The following TEX10 variants were observed in gnomAD, a reference collection of about 807,000 sequenced individuals.
The protein encoded by TEX10 is testis expressed 10.
Under a neutral mutation model 104.4 loss-of-function variants are expected in TEX10, and 24 were observed. That is an observed-to-expected ratio of 0.23 (90% CI 0.17 to 0.32). TEX10 has a LOEUF of 0.32. Ranked by LOEUF, TEX10 falls within the 10% of genes least tolerant of loss-of-function variation. The pLI, the probability that TEX10 is intolerant of heterozygous loss-of-function variation, is 1.00. For missense variants in TEX10, 921 were observed against 1,083.9 expected (o/e 0.85, Z 2.11); for synonymous variants, 396 against 393.4 (o/e 1.01, Z -0.08).
chr9:100,329,636 C>A (rs543594464), intron 6 of TEX10, among the ~76,000 whole-genome samples: 7 of 152,082 alleles, frequency 4.6e-5, no homozygotes, highest in Non-Finnish European at 1.0e-4. Context: ...GGTAAAGAGA[C>A]AGGGAAGATT....
At chr9:100,311,214 T>C (rs989302173) in intron 11 of TEX10, among the ~76,000 whole-genome samples, 4 of 151,266 alleles carry the variant, frequency 2.6e-5, no homozygotes, top group African/African-American at 4.9e-5. Flanking sequence ...CTGGGCAACA[T>C]AGTGGTACCT....
At chr9:100,339,245 CAAAAAAAAAAAAAAAAAA>C (rs1182764934) in intron 5 of TEX10, among the ~76,000 whole-genome samples, 3 of 29,396 alleles carry the variant, frequency 1.0e-4, no homozygotes, top group African/African-American at 2.5e-4. Context: ...GACTCCATCT[CAAAAAAAAAAAAAAAAAA>C]AAAAAAAAAA....
In TEX10 at chr9:100,349,338, T is replaced by C. The variant is rs1283862252; in HGVS notation, c.26A>G (p.His9Arg). 2.5e-6 allele frequency: 4 copies of C among 1,589,256 alleles called. No homozygotes were observed. Among genetic ancestry groups the C allele is most frequent in the East Asian group, 4.5e-5 (2 of 44,694 alleles). Reference protein sequence around the residue: MTKKRKRQHDFQKVKLKVG... With the variant: MTKKRKRQRDFQKVKLKVG... Reference sequence around the variant, plus strand: ...TTTCAATTTTACTTTTTGAAAATCATGTTGGCGTTTTCTTTTTTTAGTCAT... The same window carrying C: ...TTTCAATTTTACTTTTTGAAAATCACGTTGGCGTTTTCTTTTTTTAGTCAT... Residue 9 changes from histidine (H) to arginine (R), a missense_variant, in exon 2 of 15, where the codon CAT (histidine) becomes CGT (arginine). His to Arg is a conservative substitution (Grantham distance 29). Transcript: ENST00000374902.
At chr9:100,318,570 G>A (rs1024707522) in intron 11 of TEX10, among the ~76,000 whole-genome samples, 3 of 152,160 alleles carry the variant, frequency 2.0e-5, no homozygotes, top group Non-Finnish European at 4.4e-5. Flanking sequence ...ATAGTCTTAC[G>A]CATGTAACAA....
intron 1 of TEX10, 158 bp downstream of exon 1, chr9:100,352,614 A>T (rs1298432143): frequency 6.8e-7 from 1 of 1,478,350 alleles, no homozygotes; most frequent in Non-Finnish European, 9.0e-7. Flanking sequence ...CCGCACACCC[A>T]GGCCCAGCTC....
intron 2 of TEX10, among the ~76,000 whole-genome samples, chr9:100,347,637 C>G (rs1835332835): frequency 6.6e-6 from 1 of 152,144 alleles, no homozygotes; most frequent in African/African-American, 2.4e-5. Context: ...TTTACATTAA[C>G]CTACATGCAG....
Position 100,346,805 on chromosome 9 carries a change from G to A in TEX10, c.782C>T (p.Thr261Ile), listed in dbSNP as rs1165518498. ...LQEQKENPHA[T>I]SNSIFINWKE... ...CCAGTTGATAAAAATGGAGTTGCTA[G>A]TGGCATGGGGATTTTCTTTCTGTTC... Residue 261 changes from threonine (T) to isoleucine (I), a missense_variant, in exon 3 of 15, where the codon ACT becomes ATT. Transcript: ENST00000374902. 14 of 1,614,066 alleles carry A rather than the reference G, an allele frequency of 8.7e-6. No individual in the cohort carries two copies. The highest frequency in any genetic ancestry group is 1.7e-5 in the Admixed American group (1 of 60,002).
In TEX10 at chr9:100,320,316, A is replaced by C; in HGVS notation, c.2151T>G (p.Leu717=). ...ATTGATCCAAATCTGTAAGGTAGAGAAGCACAGGGGAAAGCTGTGTCTGGA... is the reference window on the plus strand; with the variant it reads ...ATTGATCCAAATCTGTAAGGTAGAGCAGCACAGGGGAAAGCTGTGTCTGGA... ...HVIQTQLSPV[L]LYLTDLDQFL... Residue 717 remains leucine (L), a synonymous_variant, in exon 11 of 15, where the codon CTT becomes CTG. Transcript: ENST00000374902. 6.2e-7 allele frequency: 1 copy of C among 1,613,428 alleles called. No individual in the cohort carries two copies. Among genetic ancestry groups the C allele is most frequent in the Non-Finnish European group, 8.5e-7 (1 of 1,179,582 alleles).
chr9:100,324,853 T>A (rs922107010), intron 9 of TEX10, among the ~76,000 whole-genome samples: 3 of 152,140 alleles, frequency 2.0e-5, no homozygotes, highest in South Asian at 2.1e-4. Context: ...AAATTTTTTT[T>A]AAAAATTTAA....
chr9:100,309,868 T>C (rs1211252274), intron 12 of TEX10, among the ~76,000 whole-genome samples: 1 of 152,192 alleles, frequency 6.6e-6, no homozygotes, highest in Non-Finnish European at 1.5e-5. Flanking sequence ...GTCTCAGGGT[T>C]GAGTCTACAG....
At chr9:100,304,054 T>C (rs1834084284) in intron 13 of TEX10, 3 of 577,800 alleles carry the variant, frequency 5.2e-6, no homozygotes, top group Non-Finnish European at 9.3e-6. Flanking sequence ...AGGTGAAAGA[T>C]CTCTACAAGA....
intron 4 of TEX10, among the ~76,000 whole-genome samples, chr9:100,341,151 G>C (rs1015639735): frequency 2.0e-5 from 3 of 152,134 alleles, no homozygotes; most frequent in African/African-American, 4.8e-5. Flanking sequence ...ATTTTTAGTA[G>C]AGCTGGGTTT....
chr9:100,337,129 A>G (rs148610695), intron 5 of TEX10, among the ~76,000 whole-genome samples: 4 of 152,276 alleles, frequency 2.6e-5, no homozygotes, highest in African/African-American at 4.8e-5. Flanking sequence ...TTCCTTCACT[A>G]TATCTATCAC....
At chr9:100,308,195 T>C (rs111597748) in intron 13 of TEX10, among the ~76,000 whole-genome samples, 1,789 of 149,074 alleles carry the variant, frequency 0.012, 39 homozygotes, top group African/African-American at 0.042. Context: ...AACGGTAGAT[T>C]TATTTTTCTT....
chr9:100,352,609 C>A, intron 1 of TEX10, 163 bp downstream of exon 1: 1 of 1,482,394 alleles, frequency 6.7e-7, no homozygotes, highest in Non-Finnish European at 8.9e-7. Flanking sequence ...GCCGGCCGCA[C>A]ACCCAGGCCC....
At chr9:100,328,064 G>T in intron 7 of TEX10, 102 bp from the exon 8 acceptor site, 2 of 850,642 alleles carry the variant, frequency 2.4e-6, no homozygotes, top group Non-Finnish European at 3.3e-6. Flanking sequence ...ATCACAAAGT[G>T]ACTAATTATG....
chr9:100,321,560 C>T (rs1005931307), intron 10 of TEX10, 123 bp downstream of exon 10: 18 of 743,692 alleles, frequency 2.4e-5, no homozygotes, highest in South Asian at 1.8e-4. Flanking sequence ...AAAAATCACT[C>T]CAAGATAGAA....
At chr9:100,310,422 T>C in intron 11 of TEX10, 43 bp from the exon 12 acceptor site, 2 of 1,538,674 alleles carry the variant, frequency 1.3e-6, no homozygotes, top group South Asian at 2.3e-5. Flanking sequence ...CAGAACATTT[T>C]AGATCAGAAA....
intron 9 of TEX10, 104 bp downstream of exon 9, chr9:100,326,198 G>T: frequency 8.4e-7 from 1 of 1,185,852 alleles, no homozygotes; most frequent in Non-Finnish European, 1.2e-6. Context: ...AAGAGTAAAT[G>T]AAAGTAGTGT....
Sources: gnomAD v4.1 joint callset for allele counts (sites outside exome capture counted in the v4.1 genomes callset) on GRCh38, gnomAD v4.1.1 for gene constraint, MANE v1.5 for transcripts, NCBI Gene and HGNC (gene_info 2026-07-23, HGNC 2026-07-21) for gene names.